The following RBM47 variants were observed in gnomAD, a reference collection of about 807,000 sequenced individuals.
RBM47 encodes the protein RNA binding motif protein 47.
A neutral mutation model predicts 47.1 loss-of-function variants in RBM47; 21 were observed. That is an observed-to-expected ratio of 0.45 (90% CI 0.32 to 0.64). The LOEUF is 0.64. RBM47 is among the 30% of genes least tolerant of loss of function. RBM47 has a pLI of 0.05. For synonymous variants in RBM47, 375 were observed against 361.7 expected, an observed-to-expected ratio of 1.04 and a Z score of -0.42; for missense variants, 708 against 870.9, an observed-to-expected ratio of 0.81 and a Z score of 2.35.
At chr4:40,541,020 G>A (rs895787466) in intron 2 of RBM47, among the ~76,000 whole-genome samples, 2 of 151,920 alleles carry the variant, frequency 1.3e-5, no homozygotes, top group African/African-American at 4.8e-5. Flanking sequence ...CAGGCACAGT[G>A]GGTCACACTT....
At chr4:40,452,532 G>A (rs1715599000) in intron 3 of RBM47, among the ~76,000 whole-genome samples, 1 of 152,154 alleles carries the variant, frequency 6.6e-6, no homozygotes, top group Non-Finnish European at 1.5e-5. Context: ...GGCCTGAGTA[G>A]TGTTTATAAG....
At chr4:40,586,125 A>G (rs991089301) in intron 1 of RBM47, among the ~76,000 whole-genome samples, 1 of 152,202 alleles carries the variant, frequency 6.6e-6, no homozygotes, top group Non-Finnish European at 1.5e-5. Context: ...CATGTTAGGG[A>G]GATAGCATAA....
intron 5 of RBM47, 30 bp downstream of exon 5, chr4:40,436,411 G>A: frequency 6.3e-7 from 1 of 1,595,322 alleles, no homozygotes; most frequent in Non-Finnish European, 8.6e-7. Context: ...TATGCTGAAT[G>A]GGAGCATTCT....
intron 1 of RBM47, among the ~76,000 whole-genome samples, chr4:40,549,531 T>TG (rs1729353961): frequency 6.6e-6 from 1 of 151,074 alleles, no homozygotes; most frequent in African/African-American, 2.4e-5. Context: ...TTCGTTTTTT[T>TG]TTTTTTTTTG....
At chr4:40,580,541 A>G (rs1028533815) in intron 1 of RBM47, among the ~76,000 whole-genome samples, 2 of 152,182 alleles carry the variant, frequency 1.3e-5, no homozygotes, top group Admixed American at 6.6e-5. Context: ...GATGGTTTAA[A>G]GGCCTTGAAA....
intron 1 of RBM47, among the ~76,000 whole-genome samples, chr4:40,571,953 G>A (rs1322612039): frequency 6.6e-6 from 1 of 151,468 alleles, no homozygotes; most frequent in African/African-American, 2.4e-5. Flanking sequence ...AACTCGGGAG[G>A]CGGAGGTTGC....
intron 1 of RBM47, among the ~76,000 whole-genome samples, chr4:40,558,807 G>A (rs1730340390): frequency 2.0e-5 from 3 of 147,614 alleles, no homozygotes; most frequent in Admixed American, 1.4e-4. Context: ...CAGCCTGGTC[G>A]ACAGAGTCAA....
At chr4:40,553,801 T>A (rs1340177018) in intron 1 of RBM47, among the ~76,000 whole-genome samples, 1 of 152,166 alleles carries the variant, frequency 6.6e-6, no homozygotes, top group East Asian at 1.9e-4. Flanking sequence ...GTTCCAAGAC[T>A]TTTACTATCA....
intron 1 of RBM47, among the ~76,000 whole-genome samples, chr4:40,545,475 C>T (rs1445639674): frequency 6.7e-6 from 1 of 149,258 alleles, no homozygotes; most frequent in African/African-American, 2.4e-5. Flanking sequence ...ACCAGCCTGA[C>T]CAATATGGTG....
Position 40,425,642 on chromosome 4 carries a change from G to C in RBM47, c.*262C>G, listed in dbSNP as rs1222275432. 4.9e-6 allele frequency: 2 copies of C among 409,358 alleles called. No homozygotes were observed. Among genetic ancestry groups the C allele is most frequent in the Non-Finnish European group, 8.9e-6 (2 of 225,548 alleles). The allele number at this position is 409,358 out of a possible 1,614,324, so 25.4% of individuals were successfully genotyped here. A position where few individuals can be genotyped will look rare whatever the true frequency, so the allele number is the denominator to read the frequency against. ...AAAACCTCTATACAAATGTAGTACA[G>C]CATACAAATTTTTAAAAGATGGAAT... On this transcript the variant is annotated 3_prime_UTR_variant, in exon 7 of 7. Coordinates refer to ENST00000295971, the MANE Select transcript of RBM47 (RefSeq NM_001098634.2).
intron 6 of RBM47, chr4:40,427,468 A>T (rs895613278): frequency 1.3e-5 from 2 of 152,246 alleles, no homozygotes; most frequent in African/African-American, 4.8e-5. Context: ...AAACAGGAGT[A>T]TGAATGGGAA....
intron 2 of RBM47, among the ~76,000 whole-genome samples, chr4:40,480,732 G>A (rs905217542): frequency 2.0e-5 from 3 of 152,086 alleles, no homozygotes; most frequent in East Asian, 1.9e-4. Flanking sequence ...ATTTTATGGC[G>A]ATCCCTTTCT....
At chr4:40,479,684 T>G (rs935417624) in intron 2 of RBM47, among the ~76,000 whole-genome samples, 1 of 152,052 alleles carries the variant, frequency 6.6e-6, no homozygotes, top group Non-Finnish European at 1.5e-5. Context: ...TCATTTTTGT[T>G]TTGTGATAGA....
chr4:40,567,652 T>A (rs1731226643), intron 1 of RBM47, among the ~76,000 whole-genome samples: 1 of 151,956 alleles, frequency 6.6e-6, no homozygotes, highest in African/African-American at 2.4e-5. Context: ...AACATACACA[T>A]TTGAAGAAAG....
At chr4:40,481,330 C>T (rs13139168) in intron 2 of RBM47, among the ~76,000 whole-genome samples, 9 of 146,844 alleles carry the variant, frequency 6.1e-5, no homozygotes, top group East Asian at 2.0e-4. Context: ...TGGAGTGCAG[C>T]GGCGTGACCT....
At chr4:40,448,255 G>T (rs1714851774) in intron 3 of RBM47, among the ~76,000 whole-genome samples, 1 of 149,484 alleles carries the variant, frequency 6.7e-6, no homozygotes, top group South Asian at 2.2e-4. Context: ...CTCTTGGAGT[G>T]TGACTGTGAG....
At chr4:40,534,822 C>T (rs1184211693) in intron 2 of RBM47, among the ~76,000 whole-genome samples, 1 of 151,856 alleles carries the variant, frequency 6.6e-6, no homozygotes, top group Non-Finnish European at 1.5e-5. Context: ...GTAGTCTCAG[C>T]TACTCTGGAG....
rs775939135 is a variant in RBM47 at position 40,436,940 on chromosome 4, C to T, written c.1124-293G>A. On this transcript the variant is annotated intron_variant, in intron 4 of 6. Transcript: ENST00000295971. ...AGACTACCCACCACCCCCTCCCCCC[C>T]GCCAAAAAAAAAACTGTGGCCAGGT... The T allele has an allele frequency of 6.3e-6, 3 of 473,688 alleles. No individual in the cohort carries two copies. In the Admixed American group the frequency reaches 7.5e-5, roughly 12 times the overall value. The allele number at this position is 473,688 out of a possible 1,614,324, so 29.3% of individuals were successfully genotyped here. A position where few individuals can be genotyped will look rare whatever the true frequency, so the allele number is the denominator to read the frequency against.
intron 3 of RBM47, among the ~76,000 whole-genome samples, chr4:40,452,921 G>C (rs1715670981): frequency 7.0e-6 from 1 of 142,990 alleles, no homozygotes; most frequent in East Asian, 2.0e-4. Context: ...TTGGCTCACT[G>C]CAAACTCCAC....
Sources: allele counts gnomAD v4.1 joint callset (sites outside exome capture counted in the v4.1 genomes callset), GRCh38; gene constraint gnomAD v4.1.1; transcripts MANE v1.5; gene names NCBI Gene and HGNC (gene_info 2026-07-23, HGNC 2026-07-21).